CALHM6: variants seen among roughly 807,000 people sequenced by gnomAD.
The protein encoded by CALHM6 is calcium homeostasis modulator protein 6.
A neutral mutation model predicts 12.7 loss-of-function variants in CALHM6; 15 were observed. That is an observed-to-expected ratio of 1.18 (90% CI 0.79 to 1.82). CALHM6 has a LOEUF of 1.82. CALHM6 is among the 40% of genes most tolerant of loss of function. CALHM6 has a pLI of 0.00. For synonymous variants in CALHM6, 212 were observed against 193.7 expected, an observed-to-expected ratio of 1.09 and a Z score of -0.78; for missense variants, 434 against 421.0, an observed-to-expected ratio of 1.03 and a Z score of -0.27.
chr6:116,462,227 A>G lies in CALHM6; in HGVS notation c.298A>G (p.Thr100Ala), dbSNP rs10784. The change falls in exon 2 of 3, where the codon ACG becomes GCG. Residue 100 changes from threonine (T) to alanine (A), a missense_variant. Thr to Ala is a moderately conservative substitution (Grantham distance 58). Coordinates refer to ENST00000368605, the MANE Select transcript of CALHM6 (RefSeq NM_001010919.3). ...GGCGCTGCGCGGCTCCCTGGTGTGC[A>G]CGCAAATCAGCGCGGCCGCCGCGCT... ...GSALRGSLVC[T>A]QISAAAALAP... 1,006,039 of 1,402,700 alleles carry G rather than the reference A, an allele frequency of 0.72. 362,983 individuals carry two copies. The highest frequency in any genetic ancestry group is 0.87 in the East Asian group (28,478 of 32,862). The allele number at this position is 1,402,700 out of a possible 1,614,324, so 86.9% of individuals were successfully genotyped here.
intron 2 of CALHM6, among the ~76,000 whole-genome samples, chr6:116,462,973 C>T (rs2115129956): frequency 6.6e-6 from 1 of 152,276 alleles, no homozygotes; most frequent in Non-Finnish European, 1.5e-5. Context: ...CTCAGAGGTT[C>T]TTTAAAATGA....
intron 2 of CALHM6, 81 bp from the exon 3 acceptor site, chr6:116,463,202 G>A (rs1370667384): frequency 7.2e-7 from 1 of 1,388,138 alleles, no homozygotes; most frequent in East Asian, 2.3e-5. Context: ...CTGGCGAGTA[G>A]TTGAAACTTT....
Position 116,462,146 on chromosome 6 carries a change from CG to C in CALHM6, c.218del (p.Arg73ProfsTer95). ...LFLLGYVLSARTWRLLTGCCS... is the reference protein window; with the variant it reads ...LFLLGYVLSAXTWRLLTGCCS... Reference sequence around the variant, plus strand: ...CCTCCTGGGCTACGTGCTGAGCGCACGCACGTGGCGCCTGCTCACCGGATGC... The same window carrying C: ...CCTCCTGGGCTACGTGCTGAGCGCACCACGTGGCGCCTGCTCACCGGATGC... On this transcript the variant is annotated frameshift_variant, in exon 2 of 3. Transcript: ENST00000368605. LOFTEE classifies it high-confidence loss of function. 2.0e-6 allele frequency: 3 copies of C among 1,530,720 alleles called. No homozygotes were observed. The East Asian group carries it at 7.4e-5, about 38-fold the overall frequency. The allele number at this position is 1,530,720 out of a possible 1,614,324, so 94.8% of individuals were successfully genotyped here. A position where few individuals can be genotyped will look rare whatever the true frequency, so the allele number is the denominator to read the frequency against.
intron 1 of CALHM6, 37 bp downstream of exon 1, chr6:116,461,466 C>T: frequency 6.5e-7 from 1 of 1,542,498 alleles, no homozygotes; most frequent in Non-Finnish European, 8.8e-7. Flanking sequence ...TTTGGTTTTA[C>T]TGTGATCTGG....
chr6:116,462,212 G>A lies in CALHM6; in HGVS notation c.283G>A (p.Gly95Ser), dbSNP rs753344499. ...CGCGAGTTGCGGATCGGCGCTGCGC[G>A]GCTCCCTGGTGTGCACGCAAATCAG... Reference protein sequence around the residue: ...ARASCGSALRGSLVCTQISAA... With the variant: ...ARASCGSALRSSLVCTQISAA... Residue 95 changes from glycine to serine, a missense_variant, in exon 2 of 3, where the codon GGC becomes AGC. Transcript: ENST00000368605. 349 of 1,474,158 alleles carry A rather than the reference G, an allele frequency of 2.4e-4. 2 individuals carry two copies. The highest frequency in any genetic ancestry group is 4.9e-4 in the Admixed American group (22 of 44,586). 91.3% of individuals were successfully genotyped at this position (1,474,158 alleles called of 1,614,324 possible). A position where few individuals can be genotyped will look rare whatever the true frequency, so the allele number is the denominator to read the frequency against.
rs913432434 is a variant in CALHM6 at position 116,463,221 on chromosome 6, A to G, written c.526-62A>G. 9 of 1,483,544 alleles carry G rather than the reference A, an allele frequency of 6.1e-6. No homozygotes were observed. In the African/African-American group the frequency reaches 1.1e-4, roughly 19 times the overall value. The allele number at this position is 1,483,544 out of a possible 1,614,324, so 91.9% of individuals were successfully genotyped here. A position where few individuals can be genotyped will look rare whatever the true frequency, so the allele number is the denominator to read the frequency against. Reference sequence around the variant, plus strand: ...CGAGTAGTTGAAACTTTATCTGAGGATTTTTAAATTTCTTGTAAAAAACCA... The same window carrying G: ...CGAGTAGTTGAAACTTTATCTGAGGGTTTTTAAATTTCTTGTAAAAAACCA... On this transcript the variant is annotated intron_variant, in intron 2 of 2. Coordinates refer to ENST00000368605, the MANE Select transcript of CALHM6 (RefSeq NM_001010919.3).
Position 116,462,249 on chromosome 6 carries a change from C to G in CALHM6, c.320C>G (p.Ala107Gly). ...LVCTQISAAA[A>G]LAPLTWVAVA... Reference sequence around the variant, plus strand: ...TGCACGCAAATCAGCGCGGCCGCCGCGCTCGCGCCCCTCACCTGGGTGGCC... The same window carrying G: ...TGCACGCAAATCAGCGCGGCCGCCGGGCTCGCGCCCCTCACCTGGGTGGCC... Residue 107 changes from alanine to glycine, a missense_variant, in exon 2 of 3, where the codon GCG becomes GGG. By Grantham distance (60) the Ala-to-Gly change is moderately conservative (BLOSUM62 0). Transcript: ENST00000368605. 1 of 1,372,908 alleles carries G rather than the reference C, an allele frequency of 7.3e-7. No individual in the cohort carries two copies. Among genetic ancestry groups the G allele is most frequent in the Non-Finnish European group, 9.3e-7 (1 of 1,069,544 alleles). The allele number at this position is 1,372,908 out of a possible 1,614,324, so 85.0% of individuals were successfully genotyped here. A position where few individuals can be genotyped will look rare whatever the true frequency, so the allele number is the denominator to read the frequency against.
Position 116,463,652 on chromosome 6 carries a change from C to T in CALHM6, c.895C>T (p.Pro299Ser). Residue 299 changes from proline (P) to serine (S), a missense_variant, in exon 3 of 3, where the codon CCT becomes TCT. By Grantham distance (74) the Pro-to-Ser change is moderately conservative. Transcript: ENST00000368605. ...IRSTEGDTVI[P>S]VLGFVDSSGI... ...GTCTACTGAAGGAGATACGGTGATTCCTGTTCTTGGCTTTGTAGATTCATC... is the reference window on the plus strand; with the variant it reads ...GTCTACTGAAGGAGATACGGTGATTTCTGTTCTTGGCTTTGTAGATTCATC... 1 of 1,613,776 alleles carries T rather than the reference C, an allele frequency of 6.2e-7. No individual in the cohort carries two copies. The highest frequency in any genetic ancestry group is 8.5e-7 in the Non-Finnish European group (1 of 1,179,918).
In CALHM6 at chr6:116,461,923, G is replaced by C. The variant is rs61742015; in HGVS notation, c.-7G>C. 6 of 1,494,982 alleles carry C rather than the reference G, an allele frequency of 4.0e-6. No individual in the cohort carries two copies. The South Asian group carries it at 5.1e-5, about 13-fold the overall frequency. 92.6% of individuals were successfully genotyped at this position (1,494,982 alleles called of 1,614,324 possible). A position where few individuals can be genotyped will look rare whatever the true frequency, so the allele number is the denominator to read the frequency against. ...GCCTGTGCGCGACGCCCCGGGGGAC[G>C]AGGCTCATGGAGAAGTTTCGGGCGG... On this transcript the variant is annotated 5_prime_UTR_variant, in exon 2 of 3. Transcript: ENST00000368605.
chr6:116,461,919 G>T lies in CALHM6; in HGVS notation c.-11G>T. 2 of 1,491,682 alleles carry T rather than the reference G, an allele frequency of 1.3e-6. No individual in the cohort carries two copies. Among genetic ancestry groups the T allele is most frequent in the South Asian group, 2.6e-5 (2 of 76,864 alleles). 92.4% of individuals were successfully genotyped at this position (1,491,682 alleles called of 1,614,324 possible). The stretch of plus-strand genomic sequence containing the variant: ...CTGGGCCTGTGCGCGACGCCCCGGG[G>T]GACGAGGCTCATGGAGAAGTTTCGG... On this transcript the variant is annotated 5_prime_UTR_variant, in exon 2 of 3. Transcript: ENST00000368605.
chr6:116,461,809 A>AAAAT, intron 1 of CALHM6, 63 bp from the exon 2 acceptor site: 1 of 1,068,230 alleles, frequency 9.4e-7, no homozygotes, highest in African/African-American at 1.6e-5. Flanking sequence ...AAAAAAAAAA[A>AAAAT]GGCTGCTTCT....
Sources: gnomAD v4.1 joint callset for allele counts (sites outside exome capture counted in the v4.1 genomes callset) on GRCh38, gnomAD v4.1.1 for gene constraint, MANE v1.5 for transcripts, NCBI Gene and HGNC (gene_info 2026-07-23, HGNC 2026-07-21) for gene names.